Variants in RALYL observed in about 807,000 individuals in gnomAD.
The protein encoded by RALYL is RALY RNA binding protein like.
RALYL carries 29 observed loss-of-function variants against 35.1 expected under a neutral mutation model. The ratio of observed to expected loss-of-function variants is 0.83; its 90% CI spans 0.61 to 1.13. The LOEUF (loss-of-function observed/expected upper bound fraction) is 1.13, where lower values mean the gene tolerates loss of function less well. RALYL is among the 50% of genes most tolerant of loss of function. The pLI, the probability that RALYL is intolerant of heterozygous loss-of-function variation, is 0.00. For synonymous variants in RALYL, 120 were observed against 127.6 expected, an observed-to-expected ratio of 0.94 and a Z score of 0.40; for missense variants, 359 against 360.4, an observed-to-expected ratio of 1.00 and a Z score of 0.03.
In RALYL at chr8:84,857,864, T is replaced by C. The variant is rs111784325; in HGVS notation, c.414-4432T>C. ...TGTAGTTTTTTTATGTACTTTTTTT[T>C]CCCAAAATGTTACTTTATTATTGCT... On this transcript the variant is annotated intron_variant, in intron 5 of 8. Transcript: ENST00000521268. 5.2e-3 allele frequency among the ~76,000 whole-genome samples: 788 copies of C among 152,240 alleles called. 6 individuals carry two copies. Among genetic ancestry groups the C allele is most frequent in the African/African-American group, 0.018 (740 of 41,560 alleles).
chr8:84,186,548 G>C (rs936932405), intron 1 of RALYL, among the ~76,000 whole-genome samples: 2 of 152,134 alleles, frequency 1.3e-5, no homozygotes, highest in Non-Finnish European at 1.5e-5. Context: ...TTCATTAAGA[G>C]AATCAGTTGC....
In RALYL at chr8:84,769,403, A is replaced by T. The variant is rs1160426758; in HGVS notation, c.257-5176A>T. ...TCTCACACCCAATAATCCACCCACA[A>T]CATGTTCTCTTTTCTTAAATATACC... On this transcript the variant is annotated intron_variant, in intron 2 of 8. Transcript: ENST00000521268. 7.2e-5 allele frequency among the ~76,000 whole-genome samples: 11 copies of T among 152,102 alleles called. No individual in the cohort carries two copies. The East Asian group carries it at 7.7e-4, about 11-fold the overall frequency.
intron 1 of RALYL, among the ~76,000 whole-genome samples, chr8:84,361,342 A>C (rs745784556): frequency 7.2e-5 from 11 of 152,058 alleles, no homozygotes; most frequent in Non-Finnish European, 1.5e-4. Flanking sequence ...CTGTGCTGGA[A>C]ATGAGGCAGC....
At chr8:84,643,737 A>G (rs1277639415) in intron 2 of RALYL, among the ~76,000 whole-genome samples, 1 of 152,076 alleles carries the variant, frequency 6.6e-6, no homozygotes. Context: ...ATTTACTAAA[A>G]CTAATAATGG....
chr8:84,838,805 G>A (rs539046443), intron 4 of RALYL, among the ~76,000 whole-genome samples: 7 of 152,180 alleles, frequency 4.6e-5, no homozygotes, highest in South Asian at 2.1e-4. Flanking sequence ...TTAAATTATC[G>A]AAGTATTTAC....
At chr8:84,388,728 G>T (rs180681434) in intron 1 of RALYL, among the ~76,000 whole-genome samples, 4,297 of 152,092 alleles carry the variant, frequency 0.028, 197 homozygotes, top group African/African-American at 0.098. Flanking sequence ...GTTCATTGTA[G>T]ATTCTGGATA....
At chr8:84,861,387 A>G (rs958919722) in intron 5 of RALYL, among the ~76,000 whole-genome samples, 2 of 152,200 alleles carry the variant, frequency 1.3e-5, no homozygotes, top group African/African-American at 4.8e-5. Context: ...AATAATATGA[A>G]GCTTCTGAAT....
chr8:84,753,039 T>A (rs1342205897), intron 2 of RALYL, among the ~76,000 whole-genome samples: 1 of 152,136 alleles, frequency 6.6e-6, no homozygotes, highest in Non-Finnish European at 1.5e-5. Flanking sequence ...CCATGGGCAC[T>A]CAGTTCCAGC....
chr8:84,610,481 A>G lies in RALYL; in HGVS notation c.256+80904A>G, dbSNP rs200096916. Among the ~76,000 whole-genome samples, 17 of 152,234 alleles carry G rather than the reference A, an allele frequency of 1.1e-4. No homozygotes were observed. The East Asian group carries it at 3.3e-3, about 30-fold the overall frequency. The stretch of plus-strand genomic sequence containing the variant: ...ATCCTTTATGTATAACTGTTGATTT[A>G]TAACTGTTGGTGCTGATCTGGATCA... On this transcript the variant is annotated intron_variant, in intron 2 of 8. Transcript: ENST00000521268.
chr8:84,514,978 G>T (rs2057941389), intron 1 of RALYL, among the ~76,000 whole-genome samples: 1 of 152,130 alleles, frequency 6.6e-6, no homozygotes, highest in African/African-American at 2.4e-5. Context: ...TACAAATAAT[G>T]CCTGCTGAGT....
chr8:84,830,460 G>A (rs1050388138), intron 4 of RALYL, among the ~76,000 whole-genome samples: 1 of 152,130 alleles, frequency 6.6e-6, no homozygotes, highest in Non-Finnish European at 1.5e-5. Flanking sequence ...GTACCAAGAT[G>A]ACAGCTTTGT....
At chr8:84,815,731 G>A (rs1343185477) in intron 4 of RALYL, among the ~76,000 whole-genome samples, 1 of 151,932 alleles carries the variant, frequency 6.6e-6, no homozygotes, top group Admixed American at 6.6e-5. Flanking sequence ...CAGGCATCAA[G>A]TTTGCATTTA....
intron 8 of RALYL, among the ~76,000 whole-genome samples, chr8:84,910,338 C>T (rs760185403): frequency 2.6e-5 from 4 of 152,036 alleles, no homozygotes; most frequent in Non-Finnish European, 5.9e-5. Context: ...ACTTCTTCTA[C>T]TCTGTTAGTC....
At chr8:84,356,558 A>T (rs192158589) in intron 1 of RALYL, among the ~76,000 whole-genome samples, 2 of 150,032 alleles carry the variant, frequency 1.3e-5, no homozygotes, top group Non-Finnish European at 3.0e-5. Context: ...TCCCTTTTAT[A>T]ATAAGCAAAT....
At chr8:84,696,250 T>G (rs1264125707) in intron 2 of RALYL, among the ~76,000 whole-genome samples, 1 of 150,950 alleles carries the variant, frequency 6.6e-6, no homozygotes, top group African/African-American at 2.4e-5. Context: ...ATGTTAAAAT[T>G]TAAAAAAAAA....
intron 1 of RALYL, among the ~76,000 whole-genome samples, chr8:84,409,803 C>A (rs529748274): frequency 2.0e-5 from 3 of 152,018 alleles, no homozygotes; most frequent in Admixed American, 1.3e-4. Flanking sequence ...GAGCACAAAT[C>A]CACTTTTTCT....
At chr8:84,905,698 C>T (rs1846368923) in intron 8 of RALYL, among the ~76,000 whole-genome samples, 1 of 115,888 alleles carries the variant, frequency 8.6e-6, no homozygotes, top group South Asian at 2.8e-4. Flanking sequence ...TATATGAATA[C>T]TATTTTTTTT....
chr8:84,457,768 AC>A (rs2050307706), intron 1 of RALYL, among the ~76,000 whole-genome samples: 1 of 151,808 alleles, frequency 6.6e-6, no homozygotes, highest in African/African-American at 2.4e-5. Context: ...AACTTGAATT[AC>A]CCTTTTGCTC....
chr8:84,314,003 G>A (rs776072570), intron 1 of RALYL, among the ~76,000 whole-genome samples: 12 of 152,110 alleles, frequency 7.9e-5, no homozygotes, highest in African/African-American at 1.7e-4. Context: ...ATAAGAAAGA[G>A]GGATTAATTG....
Sources: allele counts gnomAD v4.1 joint callset (sites outside exome capture counted in the v4.1 genomes callset), GRCh38; gene constraint gnomAD v4.1.1; transcripts MANE v1.5; gene names NCBI Gene and HGNC (gene_info 2026-07-23, HGNC 2026-07-21).